The following KNL1 variants were observed in gnomAD, a reference collection of about 807,000 sequenced individuals.
KNL1 encodes the protein outer kinetochore KNL1 complex subunit KNL1.
In KNL1, 66 loss-of-function variants were observed where a neutral mutation model predicts 201.3. That is an observed-to-expected ratio of 0.33 (90% CI 0.27 to 0.40). The LOEUF is 0.40. Ranked by LOEUF, KNL1 falls within the 10% of genes least tolerant of loss-of-function variation. The probability of loss-of-function intolerance (pLI) is 1.00; values close to 1 mark genes in which losing one functional copy is unlikely to be tolerated. For missense variants in KNL1, 2,815 were observed against 2,690.5 expected (o/e 1.05, Z -1.02); for synonymous variants, 895 against 899.2 (o/e 1.00, Z 0.08).
At chr15:40,647,788 G>A (rs1893439243) in intron 17 of KNL1, among the ~76,000 whole-genome samples, 1 of 152,164 alleles carries the variant, frequency 6.6e-6, no homozygotes, top group South Asian at 2.1e-4. Context: ...ACTGATGACT[G>A]TTCTTTTCTT....
At chr15:40,619,066 G>A (rs1892433714) in intron 9 of KNL1, 55 bp downstream of exon 9, 1 of 1,168,496 alleles carries the variant, frequency 8.6e-7, no homozygotes, top group Admixed American at 1.7e-5. Context: ...TGTTAAAACA[G>A]AAAACACAAT....
intron 21 of KNL1, among the ~76,000 whole-genome samples, chr15:40,653,173 GTTTTTATTTATTTA>G (rs1217358298): frequency 3.3e-5 from 5 of 151,958 alleles, no homozygotes; most frequent in Middle Eastern, 3.4e-3. Context: ...CATGCTTTTT[GTTTTTATTTATTTA>G]TTTTTATTTA....
In KNL1 at chr15:40,625,204, G is replaced by T; in HGVS notation, c.4940G>T (p.Arg1647Ile). Residue 1647 changes from arginine to isoleucine, a missense_variant, in exon 10 of 26, where the codon AGA becomes ATA. Transcript: ENST00000399668. ...PKTVFKDKVRRCSLGIFLPRL... is the reference protein window; with the variant it reads ...PKTVFKDKVRICSLGIFLPRL... ...ACAGTTTTTAAAGATAAAGTAAGGA[G>T]ATGTTCTTTGGGAATCTTTTTGCCT... 6.2e-7 allele frequency: 1 copy of T among 1,614,022 alleles called. No individual in the cohort carries two copies. The highest frequency in any genetic ancestry group is 1.1e-5 in the South Asian group (1 of 91,068).
At position 40,625,754 on chromosome 15, in the gene KNL1, T is replaced by A. The variant is rs761523636; in HGVS notation, c.5376+114T>A. The A allele has an allele frequency of 4.0e-6, 3 of 753,716 alleles. No homozygotes were observed. In the East Asian group the frequency reaches 8.1e-5, roughly 20 times the overall value. The allele number at this position is 753,716 out of a possible 1,614,324, so 46.7% of individuals were successfully genotyped here. A position where few individuals can be genotyped will look rare whatever the true frequency, so the allele number is the denominator to read the frequency against. On this transcript the variant is annotated intron_variant, in intron 10 of 25. Transcript: ENST00000399668. ...TAGTCTCGGGTAGGCAGAAAATAATTATTTCCACTTAGAGGGCTGGAGAAA... is the reference window on the plus strand; with the variant it reads ...TAGTCTCGGGTAGGCAGAAAATAATAATTTCCACTTAGAGGGCTGGAGAAA...
chr15:40,637,234 C>T (rs1227883942), intron 13 of KNL1, among the ~76,000 whole-genome samples: 1 of 143,260 alleles, frequency 7.0e-6, no homozygotes, highest in East Asian at 2.0e-4. Context: ...TCTTTCCTTC[C>T]TTCCTTTTAA....
At chr15:40,654,514 A>AT (rs1208595781) in intron 21 of KNL1, among the ~76,000 whole-genome samples, 8 of 151,898 alleles carry the variant, frequency 5.3e-5, no homozygotes, top group Admixed American at 3.9e-4. Context: ...AAACTCTGCT[A>AT]CACAGAAGGA....
At chr15:40,650,419 G>C in intron 18 of KNL1, 41 bp downstream of exon 18, 1 of 1,569,850 alleles carries the variant, frequency 6.4e-7, no homozygotes, top group Non-Finnish European at 8.8e-7. Flanking sequence ...TGTGGGGGAA[G>C]CCCTTCTGTT....
At chr15:40,629,471 CTTTT>C (rs11368953) in intron 13 of KNL1, 100 bp downstream of exon 13, 60 of 190,606 alleles carry the variant, frequency 3.1e-4, no homozygotes, top group East Asian at 8.4e-4. Flanking sequence ...AGAGAGTTTT[CTTTT>C]TTTTTTTTTT....
At chr15:40,650,142 A>G (rs561424499) in intron 17 of KNL1, 159 bp from the exon 18 acceptor site, 5 of 509,850 alleles carry the variant, frequency 9.8e-6, no homozygotes, top group African/African-American at 8.0e-5. Context: ...AAAAAAAAAT[A>G]GAAACCATCA....
At chr15:40,613,782 A>T (rs899312613) in intron 7 of KNL1, among the ~76,000 whole-genome samples, 3 of 150,468 alleles carry the variant, frequency 2.0e-5, no homozygotes, top group Admixed American at 6.6e-5. Flanking sequence ...AATTTATTTT[A>T]TTTTTATTAT....
In KNL1 at chr15:40,623,677, G is replaced by A. The variant is rs1892629665; in HGVS notation, c.3413G>A (p.Cys1138Tyr). Residue 1138 changes from cysteine (C) to tyrosine (Y), a missense_variant, in exon 10 of 26, where the codon TGT (cysteine) becomes TAT (tyrosine). By Grantham distance (194) the Cys-to-Tyr change is radical. Around this residue, in one of 3 missense-constraint regions of KNL1, gnomAD observed 2,464 missense variants for 2,291.7 expected, o/e 1.08. Transcript: ENST00000399668. ...ITRSHTTALE[C>Y]KTLLPNEIAI... Reference sequence around the variant, plus strand: ...AGGAGTCACACAACTGCCTTAGAATGTAAAACTCTCCTGCCAAATGAAATA... The same window carrying A: ...AGGAGTCACACAACTGCCTTAGAATATAAAACTCTCCTGCCAAATGAAATA... The A allele has an allele frequency of 1.9e-6, 3 of 1,613,760 alleles. No individual in the cohort carries two copies. The highest frequency in any genetic ancestry group is 1.3e-5 in the African/African-American group (1 of 74,866).
chr15:40,606,261 G>A, intron 3 of KNL1, 132 bp from the exon 4 acceptor site: 2 of 609,062 alleles, frequency 3.3e-6, no homozygotes, highest in Non-Finnish European at 3.0e-6. Context: ...ATAGCATTGA[G>A]CAGAATGAAT....
At chr15:40,637,004 T>A (rs75015446) in intron 13 of KNL1, among the ~76,000 whole-genome samples, 12,713 of 151,976 alleles carry the variant, frequency 0.084, 543 homozygotes, top group East Asian at 0.12. Context: ...ATAAAATGGT[T>A]AATTATTCAG....
In KNL1 at chr15:40,662,449, C is replaced by CTAACTAAA; in HGVS notation, c.*261_*262insTAACTAAA. 3.0e-6 allele frequency: 1 copy of CTAACTAAA among 335,330 alleles called. No individual in the cohort carries two copies. Among genetic ancestry groups the CTAACTAAA allele is most frequent in the East Asian group, 4.7e-5 (1 of 21,142 alleles). 20.8% of individuals were successfully genotyped at this position (335,330 alleles called of 1,614,324 possible). ...AATAGGACACTTAGGAAAAATGTCT[C>CTAACTAAA]CTAACTAAACTAGTGCTTTCTGCTT... On this transcript the variant is annotated 3_prime_UTR_variant, in exon 26 of 26. Transcript: ENST00000399668.
chr15:40,608,713 C>T (rs1043910350), intron 4 of KNL1, 134 bp from the exon 5 acceptor site: 6 of 581,382 alleles, frequency 1.0e-5, no homozygotes, highest in Non-Finnish European at 1.8e-5. Context: ...CCGTTGCACT[C>T]CAGTCTGGGC....
chr15:40,654,807 TGCAGTGG>T (rs1294688119), intron 21 of KNL1, 95 bp from the exon 22 acceptor site: 5 of 797,190 alleles, frequency 6.3e-6, no homozygotes, highest in Non-Finnish European at 1.0e-5. Flanking sequence ...AGGCTGAGCT[TGCAGTGG>T]GCCAAGACTG....
rs758157294 is a variant in KNL1 at position 40,652,039 on chromosome 15, G to C, written c.6349G>C (p.Asp2117His). 6.2e-7 allele frequency: 1 copy of C among 1,613,676 alleles called. No homozygotes were observed. Among genetic ancestry groups the C allele is most frequent in the South Asian group, 1.1e-5 (1 of 91,054 alleles). The change falls in exon 21 of 26, where the codon GAT (aspartate) becomes CAT (histidine). Residue 2117 changes from aspartate (D) to histidine (H), a missense_variant. By Grantham distance (81) the Asp-to-His change is moderately conservative (BLOSUM62 -1). This residue lies in a region of KNL1 where 334 missense variants were observed against 362.6 expected (regional missense o/e 0.92). Transcript: ENST00000399668. ...SEWDVVEWSD[D>H]QAVFTFVYDT... ...GTGGGATGTCGTTGAGTGGAGTGAT[G>C]ATCAAGCTGTATTCACCTTTGTTTA...
chr15:40,648,996 ATTTTTTTT>A (rs370353042), intron 17 of KNL1, among the ~76,000 whole-genome samples: 1 of 142,812 alleles, frequency 7.0e-6, no homozygotes, highest in Non-Finnish European at 1.5e-5. Flanking sequence ...GGCCCTGCTA[ATTTTTTTT>A]TTTTTGTATT....
chr15:40,649,892 A>G (rs1423120231), intron 17 of KNL1, among the ~76,000 whole-genome samples: 3 of 152,102 alleles, frequency 2.0e-5, no homozygotes, highest in Non-Finnish European at 4.4e-5. Context: ...TACCCATCAC[A>G]TCTACTTGTA....
Sources: allele counts gnomAD v4.1 joint callset (sites outside exome capture counted in the v4.1 genomes callset), GRCh38; gene constraint gnomAD v4.1.1; regional missense constraint gnomAD v4.1.1; transcripts MANE v1.5; gene names NCBI Gene and HGNC (gene_info 2026-07-23, HGNC 2026-07-21).